WIPF2: variants seen among roughly 807,000 people sequenced by gnomAD.
The protein encoded by WIPF2 is WAS/WASL interacting protein family member 2.
A neutral mutation model predicts 38.8 loss-of-function variants in WIPF2; 23 were observed. The observed-to-expected ratio is 0.59, with a 90% CI of 0.43 to 0.84. The LOEUF is 0.84. Ranked by LOEUF, WIPF2 falls within the 40% of genes least tolerant of loss-of-function variation. The pLI is 0.00. For synonymous variants in WIPF2, 210 were observed against 223.2 expected, an observed-to-expected ratio of 0.94 and a Z score of 0.53; for missense variants, 574 against 580.5, an observed-to-expected ratio of 0.99 and a Z score of 0.11.
intron 5 of WIPF2, among the ~76,000 whole-genome samples, chr17:40,271,127 C>T (rs753043426): frequency 2.0e-5 from 3 of 152,052 alleles, no homozygotes; most frequent in Non-Finnish European, 2.9e-5. Flanking sequence ...TGTGCCACCA[C>T]GCTTGGCTAA....
intron 1 of WIPF2, among the ~76,000 whole-genome samples, chr17:40,242,509 C>G (rs1307354241): frequency 6.6e-6 from 1 of 152,152 alleles, no homozygotes; most frequent in Admixed American, 6.5e-5. Flanking sequence ...AAGTGATTCT[C>G]CTGCCTCAGC....
chr17:40,264,838 G>T lies in WIPF2; in HGVS notation c.662G>T (p.Arg221Leu). The T allele has an allele frequency of 6.2e-7, 1 of 1,613,986 alleles. No individual in the cohort carries two copies. The highest frequency in any genetic ancestry group is 8.5e-7 in the Non-Finnish European group (1 of 1,179,996). ...PTPGQRLHPG[R>L]EGPPAPPPVK... ...CCTGGACAAAGGCTTCACCCTGGTCGAGAGGGACCTCCTGCTCCACCCCCA... is the reference window on the plus strand; with the variant it reads ...CCTGGACAAAGGCTTCACCCTGGTCTAGAGGGACCTCCTGCTCCACCCCCA... The change falls in exon 5 of 8, where the codon CGA becomes CTA. Residue 221 changes from arginine (R) to leucine (L), a missense_variant. Transcript: ENST00000323571.
intron 1 of WIPF2, among the ~76,000 whole-genome samples, chr17:40,250,914 C>CTTTT (rs1020649049): frequency 9.6e-4 from 87 of 90,328 alleles, no homozygotes; most frequent in African/African-American, 1.9e-3. Context: ...CTATTAGATT[C>CTTTT]TTTTTTTTTT....
chr17:40,272,775 G>A (rs1366812221), intron 5 of WIPF2, among the ~76,000 whole-genome samples: 5 of 152,204 alleles, frequency 3.3e-5, no homozygotes, highest in Admixed American at 3.3e-4. Flanking sequence ...GCTGTGTGCT[G>A]TACATTTGGC....
intron 5 of WIPF2, 126 bp from the exon 6 acceptor site, chr17:40,273,664 A>G (rs2032305699): frequency 1.6e-6 from 1 of 643,786 alleles, no homozygotes; most frequent in African/African-American, 1.9e-5. Flanking sequence ...AGTAATAAGG[A>G]CAAAGGGGAA....
intron 1 of WIPF2, among the ~76,000 whole-genome samples, chr17:40,229,117 CT>C (rs1162553464): frequency 3.0e-3 from 417 of 141,144 alleles, no homozygotes; most frequent in Middle Eastern, 0.011. Context: ...CCAGGCTGGT[CT>C]TTTTTTTTTT....
intron 1 of WIPF2, among the ~76,000 whole-genome samples, chr17:40,250,847 A>G (rs1335105786): frequency 6.6e-6 from 1 of 150,902 alleles, no homozygotes; most frequent in Non-Finnish European, 1.5e-5. Context: ...CAGAAGGATC[A>G]CTGGAGCCCA....
In WIPF2 at chr17:40,236,797, C is replaced by T. The variant is rs987506319; in HGVS notation, c.-70+17305C>T. On this transcript the variant is annotated intron_variant, in intron 1 of 7. Coordinates refer to ENST00000323571, the MANE Select transcript of WIPF2 (RefSeq NM_133264.5). ...CTAATTTTTGTGTTTTTAGTAGAGA[C>T]GGGGTTTTACCATCTTGGCCAGGCT... 6.0e-5 allele frequency among the ~76,000 whole-genome samples: 9 copies of T among 151,086 alleles called. No homozygotes were observed. In the South Asian group the frequency reaches 8.4e-4, roughly 14 times the overall value.
chr17:40,247,770 C>G (rs541291957), intron 1 of WIPF2, among the ~76,000 whole-genome samples: 3 of 152,184 alleles, frequency 2.0e-5, no homozygotes, highest in African/African-American at 4.8e-5. Flanking sequence ...AGTCCACCCC[C>G]CTTGGCCTCT....
At chr17:40,233,067 C>T (rs891522700) in intron 1 of WIPF2, among the ~76,000 whole-genome samples, 1 of 152,154 alleles carries the variant, frequency 6.6e-6, no homozygotes, top group South Asian at 2.1e-4. Context: ...TGTGTGGTTA[C>T]ACCCAGGCTG....
At chr17:40,253,728 A>G (rs2031632135) in intron 1 of WIPF2, among the ~76,000 whole-genome samples, 1 of 152,142 alleles carries the variant, frequency 6.6e-6, no homozygotes, top group Admixed American at 6.6e-5. Context: ...AGGACTGTCC[A>G]TTTTTTTGTG....
At chr17:40,266,841 G>C (rs1207476930) in intron 5 of WIPF2, among the ~76,000 whole-genome samples, 1 of 152,144 alleles carries the variant, frequency 6.6e-6, no homozygotes, top group African/African-American at 2.4e-5. Context: ...AGATAAAAAG[G>C]GTTGGCCTTA....
At chr17:40,241,729 A>G (rs2031195847) in intron 1 of WIPF2, among the ~76,000 whole-genome samples, 1 of 152,164 alleles carries the variant, frequency 6.6e-6, no homozygotes, top group Non-Finnish European at 1.5e-5. Context: ...ATGCAGCGTC[A>G]TTTTTGGAGA....
At chr17:40,249,488 T>C (rs1441472485) in intron 1 of WIPF2, among the ~76,000 whole-genome samples, 2 of 152,016 alleles carry the variant, frequency 1.3e-5, no homozygotes, top group Admixed American at 1.3e-4. Context: ...TCGCTCTTGT[T>C]GCCCAGGCTA....
rs1043716381 is a variant in WIPF2 at position 40,283,887 on chromosome 17, A to G, written c.*5662A>G. 1 of 152,142 alleles carries G rather than the reference A, an allele frequency of 6.6e-6. No homozygotes were observed. The highest frequency in any genetic ancestry group is 6.5e-5 in the Admixed American group (1 of 15,276). The allele number at this position is 152,142 out of a possible 1,614,324, so 9.4% of individuals were successfully genotyped here. A position where few individuals can be genotyped will look rare whatever the true frequency, so the allele number is the denominator to read the frequency against. On this transcript the variant is annotated 3_prime_UTR_variant, in exon 8 of 8. Transcript: ENST00000323571. ...ACATCATAACCACTAAGGCTTAATG[A>G]GCTTAACTTGCACTTTCATCACTAG...
At chr17:40,251,149 T>G (rs998791880) in intron 1 of WIPF2, among the ~76,000 whole-genome samples, 3 of 151,832 alleles carry the variant, frequency 2.0e-5, no homozygotes, top group Admixed American at 1.3e-4. Context: ...CTCCTGACCT[T>G]GTGATCCGCC....
intron 1 of WIPF2, among the ~76,000 whole-genome samples, chr17:40,228,010 G>GT (rs1175714533): frequency 0.06 from 4,744 of 79,096 alleles, 1,169 homozygotes; most frequent in African/African-American, 0.2. Flanking sequence ...ACCTCTTTTT[G>GT]TTTTTTTTTT....
At chr17:40,228,010 GTTT>G (rs1175714533) in intron 1 of WIPF2, among the ~76,000 whole-genome samples, 1 of 79,216 alleles carries the variant, frequency 1.3e-5, no homozygotes, top group East Asian at 3.6e-4. Flanking sequence ...ACCTCTTTTT[GTTT>G]TTTTTTTTTT....
intron 1 of WIPF2, among the ~76,000 whole-genome samples, chr17:40,234,571 GC>G (rs1341623068): frequency 2.0e-5 from 3 of 152,100 alleles, no homozygotes; most frequent in Non-Finnish European, 4.4e-5. Flanking sequence ...CATGCAGTAA[GC>G]CATGATCACA....
Sources: gnomAD v4.1 joint callset for allele counts (sites outside exome capture counted in the v4.1 genomes callset) on GRCh38, gnomAD v4.1.1 for gene constraint, MANE v1.5 for transcripts, NCBI Gene and HGNC (gene_info 2026-07-23, HGNC 2026-07-21) for gene names.